Variants in QRICH1 observed in about 807,000 individuals in gnomAD.
QRICH1 encodes transcriptional regulator QRICH1.
Under a neutral mutation model 87.1 loss-of-function variants are expected in QRICH1, and 16 were observed. The ratio of observed to expected loss-of-function variants is 0.18; its 90% confidence interval spans 0.12 to 0.28. The LOEUF (loss-of-function observed/expected upper bound fraction) is 0.28, where lower values mean the gene tolerates loss of function less well. Ranked by LOEUF, QRICH1 falls within the 10% of genes least tolerant of loss-of-function variation. The pLI, the probability that QRICH1 is intolerant of heterozygous loss-of-function variation, is 1.00. For missense variants in QRICH1, 647 were observed against 951.7 expected (o/e 0.68, Z 4.21); for synonymous variants, 367 against 368.4 (o/e 1.00, Z 0.05).
At chr3:49,060,050 G>T (rs1050399954) in intron 2 of QRICH1, among the ~76,000 whole-genome samples, 1 of 150,584 alleles carries the variant, frequency 6.6e-6, no homozygotes, top group African/African-American at 2.4e-5. Flanking sequence ...ACGCCCGGCT[G>T]ATTTTTTTAT....
At chr3:49,060,635 C>A (rs1361834372) in intron 2 of QRICH1, among the ~76,000 whole-genome samples, 2 of 152,160 alleles carry the variant, frequency 1.3e-5, no homozygotes, top group African/African-American at 2.4e-5. Context: ...CAGCCCCCAG[C>A]CTGATTTTTT....
At chr3:49,085,544 CA>C (rs969435661) in intron 1 of QRICH1, among the ~76,000 whole-genome samples, 1 of 152,004 alleles carries the variant, frequency 6.6e-6, no homozygotes, top group Non-Finnish European at 1.5e-5. Context: ...CACCTGAGGT[CA>C]GTAGTTTGAG....
chr3:49,089,186 A>T (rs899055614), intron 1 of QRICH1, among the ~76,000 whole-genome samples: 1 of 150,912 alleles, frequency 6.6e-6, no homozygotes, highest in Non-Finnish European at 1.5e-5. Flanking sequence ...CATCTTCCCG[A>T]GTAGTTGGGA....
At chr3:49,074,303 T>C (rs1057478087) in intron 2 of QRICH1, among the ~76,000 whole-genome samples, 1 of 152,066 alleles carries the variant, frequency 6.6e-6, no homozygotes, top group African/African-American at 2.4e-5. Flanking sequence ...ATGGACGTGG[T>C]GGCTCACACC....
At chr3:49,062,111 G>A (rs910892878) in intron 2 of QRICH1, among the ~76,000 whole-genome samples, 16 of 152,216 alleles carry the variant, frequency 1.1e-4, no homozygotes, top group African/African-American at 2.6e-4. Context: ...GCTGAGGCCA[G>A]TGGACACAAG....
intron 1 of QRICH1, 144 bp downstream of exon 1, chr3:49,093,768 A>C: frequency 9.4e-6 from 3 of 318,784 alleles, no homozygotes; most frequent in Non-Finnish European, 5.7e-6. Flanking sequence ...CTAGCCCAGG[A>C]ACGTTTTCGG....
At chr3:49,088,618 G>GTTTTTTTTTT (rs1206382284) in intron 1 of QRICH1, among the ~76,000 whole-genome samples, 1 of 93,164 alleles carries the variant, frequency 1.1e-5, no homozygotes. Context: ...GCTTTTGTCT[G>GTTTTTTTTTT]TTTTTTTTTT....
chr3:49,046,376 C>A (rs1356718032), intron 5 of QRICH1, 49 bp downstream of exon 5: 3 of 1,546,742 alleles, frequency 1.9e-6, no homozygotes, highest in Non-Finnish European at 2.6e-6. Context: ...TAGCAAACAT[C>A]CAATAGGAAC....
intron 3 of QRICH1, among the ~76,000 whole-genome samples, chr3:49,053,493 A>AG (rs2093383981): frequency 6.6e-6 from 1 of 151,502 alleles, no homozygotes; most frequent in South Asian, 2.1e-4. Flanking sequence ...TCTCAAAAAA[A>AG]AAAAAAAAAA....
In QRICH1 at chr3:49,032,605, C is replaced by A. The variant is rs779677881; in HGVS notation, c.2047+17G>T. ...CAAGTAGCACCTGTTTTTGCCATCC[C>A]TGCCTCCTTTCCCTACCTTTCTGGC... On this transcript the variant is annotated intron_variant, in intron 8 of 9. Transcript: ENST00000395443. 6.4e-7 allele frequency: 1 copy of A among 1,551,830 alleles called. No homozygotes were observed. The highest frequency in any genetic ancestry group is 8.7e-7 in the Non-Finnish European group (1 of 1,148,910).
Position 49,069,585 on chromosome 3 carries a change from C to T in QRICH1, c.309+7124G>A, listed in dbSNP as rs1451158468. ...TTTTTTGAGATAAAGTATTCTCAAGCGATCCTTCCACCTCAGCCTCTTCAG... is the reference window on the plus strand; with the variant it reads ...TTTTTTGAGATAAAGTATTCTCAAGTGATCCTTCCACCTCAGCCTCTTCAG... On this transcript the variant is annotated intron_variant, in intron 2 of 9. Transcript: ENST00000395443. Among the ~76,000 whole-genome samples, 10 of 131,064 alleles carry T rather than the reference C, an allele frequency of 7.6e-5. 1 individual carries two copies. In the South Asian group the frequency reaches 1.7e-3, roughly 22 times the overall value. The allele number at this position is 131,064 out of a possible 152,430, so 86.0% of individuals were successfully genotyped here.
At chr3:49,079,118 C>T (rs2042008987) in intron 1 of QRICH1, among the ~76,000 whole-genome samples, 1 of 151,952 alleles carries the variant, frequency 6.6e-6, no homozygotes. Context: ...ACCTGTAGTC[C>T]CAGCTACTAC....
Position 49,033,188 on chromosome 3 carries a change from C to A in QRICH1, c.1827G>T (p.Trp609Cys). The A allele has an allele frequency of 6.3e-7, 1 of 1,585,818 alleles. No individual in the cohort carries two copies. Among genetic ancestry groups the A allele is most frequent in the Non-Finnish European group, 8.6e-7 (1 of 1,167,234 alleles). ...LPSHVTEEML[W>C]ECKQLGAHSP... ...AGTGAGCCCCAAGCTGCTTGCACTC[C>A]CATAGCATCTCCTCAGTCACGTGGC... Residue 609 changes from tryptophan (W) to cysteine (C), a missense_variant, in exon 7 of 10, where the codon TGG (tryptophan) becomes TGT (cysteine). By Grantham distance (215) the Trp-to-Cys change is radical (BLOSUM62 -2). This residue lies in a region of QRICH1 where 187 missense variants were observed against 309.5 expected (regional missense o/e 0.60). Transcript: ENST00000395443.
At chr3:49,049,782 G>A (rs1447019395) in intron 3 of QRICH1, among the ~76,000 whole-genome samples, 2 of 151,938 alleles carry the variant, frequency 1.3e-5, no homozygotes, top group African/African-American at 4.8e-5. Flanking sequence ...ACAGGCGTGA[G>A]CCACCATACC....
At chr3:49,060,818 G>T (rs2093430290) in intron 2 of QRICH1, among the ~76,000 whole-genome samples, 1 of 151,958 alleles carries the variant, frequency 6.6e-6, no homozygotes, top group African/African-American at 2.4e-5. Context: ...AGGTATCTAG[G>T]CTGCATGCTC....
chr3:49,049,114 G>T (rs183993775), intron 3 of QRICH1, among the ~76,000 whole-genome samples: 154 of 151,956 alleles, frequency 1.0e-3, no homozygotes, highest in Non-Finnish European at 2.0e-3. Context: ...CCATCTTGCT[G>T]GCTGGTATCG....
chr3:49,029,736 TA>T lies in QRICH1; in HGVS notation c.*715del, dbSNP rs1360041457. 2 of 337,010 alleles carry T rather than the reference TA, an allele frequency of 5.9e-6. No individual in the cohort carries two copies. Among genetic ancestry groups the T allele is most frequent in the African/African-American group, 2.1e-5 (1 of 46,936 alleles). The allele number at this position is 337,010 out of a possible 1,614,324, so 20.9% of individuals were successfully genotyped here. On this transcript the variant is annotated 3_prime_UTR_variant, in exon 10 of 10. Coordinates refer to ENST00000395443, the MANE Select transcript of QRICH1 (RefSeq NM_198880.3). ...GAAAAGACGTGCTTGTCATTCTTAA[TA>T]AACAACTAGAGTAAGAATACATAAG...
intron 2 of QRICH1, among the ~76,000 whole-genome samples, chr3:49,059,452 T>C (rs2106913723): frequency 6.7e-6 from 1 of 148,912 alleles, no homozygotes; most frequent in East Asian, 2.0e-4. Flanking sequence ...AGACAGAGTC[T>C]CGCTGTTACC....
At chr3:49,044,602 C>T in intron 5 of QRICH1, 98 bp from the exon 6 acceptor site, 3 of 845,756 alleles carry the variant, frequency 3.5e-6, no homozygotes, top group Non-Finnish European at 5.5e-6. Context: ...CTATCCTTCC[C>T]TACCCATTCA....
Sources: allele counts gnomAD v4.1 joint callset (sites outside exome capture counted in the v4.1 genomes callset), GRCh38; gene constraint gnomAD v4.1.1; regional missense constraint gnomAD v4.1.1; transcripts MANE v1.5; gene names NCBI Gene and HGNC (gene_info 2026-07-23, HGNC 2026-07-21).